Variants in GRID2 observed in about 807,000 individuals in gnomAD.
The protein encoded by GRID2 is glutamate ionotropic receptor delta type subunit 2.
Under a neutral mutation model 114.8 loss-of-function variants are expected in GRID2, and 33 were observed. The ratio of observed to expected loss-of-function variants is 0.29; its 90% CI spans 0.22 to 0.38. The LOEUF is 0.38. GRID2 is among the 10% of genes least tolerant of loss of function. GRID2 has a pLI of 1.00. For synonymous variants in GRID2, 505 were observed against 449.9 expected, an observed-to-expected ratio of 1.12 and a Z score of -1.55; for missense variants, 1,184 against 1,257.7, an observed-to-expected ratio of 0.94 and a Z score of 0.89.
chr4:93,780,286 A>G (rs1380625618), intron 1 of GRID2, among the ~76,000 whole-genome samples: 1 of 152,206 alleles, frequency 6.6e-6, no homozygotes, highest in Non-Finnish European at 1.5e-5. Context: ...TGTCTGGGGA[A>G]AACGCATTCC....
chr4:93,022,909 A>G (rs961795781), intron 2 of GRID2, among the ~76,000 whole-genome samples: 2 of 151,926 alleles, frequency 1.3e-5, no homozygotes, highest in Non-Finnish European at 2.9e-5. Flanking sequence ...TCGTTTTTCA[A>G]TTCAGAATTT....
chr4:93,347,905 T>G (rs1019834538), intron 8 of GRID2, among the ~76,000 whole-genome samples: 2 of 152,224 alleles, frequency 1.3e-5, no homozygotes, highest in Admixed American at 6.5e-5. Flanking sequence ...TATCAAAAAT[T>G]TATTATTTGG....
intron 2 of GRID2, among the ~76,000 whole-genome samples, chr4:92,886,868 A>G (rs983881784): frequency 5.3e-5 from 8 of 151,166 alleles, no homozygotes; most frequent in African/African-American, 1.5e-4. Context: ...CTCGTGATCC[A>G]CCCGCCTCGG....
At chr4:92,881,467 C>A (rs1200757835) in intron 2 of GRID2, among the ~76,000 whole-genome samples, 9 of 152,128 alleles carry the variant, frequency 5.9e-5, no homozygotes, top group Non-Finnish European at 8.8e-5. Context: ...AGAATTAGTG[C>A]AATATAAAGA....
chr4:92,769,365 G>A lies in GRID2; in HGVS notation c.244+179079G>A, dbSNP rs759608059. On this transcript the variant is annotated intron_variant, in intron 2 of 15. Transcript: ENST00000282020. The stretch of plus-strand genomic sequence containing the variant: ...CTCTCACCTGCTTTCATGGGCCGGC[G>A]TTGAGTGTCTGTGGCTTTTCCAGGC... Among the ~76,000 whole-genome samples the A allele has an allele frequency of 1.7e-4, 26 of 152,160 alleles. 1 individual carries two copies. Among genetic ancestry groups the A allele is most frequent in the South Asian group, 4.1e-4 (2 of 4,828 alleles).
intron 14 of GRID2, among the ~76,000 whole-genome samples, chr4:93,677,838 A>G (rs146245314): frequency 0.03 from 4,637 of 152,172 alleles, 111 homozygotes; most frequent in African/African-American, 0.062. Flanking sequence ...GGAAAAAACA[A>G]AGCAGAAAAA....
intron 14 of GRID2, among the ~76,000 whole-genome samples, chr4:93,766,534 C>T (rs1423023018): frequency 3.3e-5 from 5 of 152,242 alleles, no homozygotes; most frequent in South Asian, 2.1e-4. Context: ...GGAGCCAAAC[C>T]GTATCACAAG....
At chr4:93,801,967 A>G (rs1410530807) in intron 1 of GRID2, among the ~76,000 whole-genome samples, 1 of 152,244 alleles carries the variant, frequency 6.6e-6, no homozygotes, top group African/African-American at 2.4e-5. Context: ...TCCTGTATGT[A>G]GAATATACTG....
At chr4:93,184,102 T>C (rs1331319699) in intron 4 of GRID2, among the ~76,000 whole-genome samples, 3 of 152,138 alleles carry the variant, frequency 2.0e-5, no homozygotes, top group Non-Finnish European at 4.4e-5. Flanking sequence ...AGAAAATGGT[T>C]TGTAGCTTGG....
At chr4:92,497,406 A>G (rs893737528) in intron 1 of GRID2, among the ~76,000 whole-genome samples, 2 of 151,920 alleles carry the variant, frequency 1.3e-5, no homozygotes, top group African/African-American at 4.8e-5. Context: ...CTGTGAAACA[A>G]GAAGCTAGAT....
intron 14 of GRID2, among the ~76,000 whole-genome samples, chr4:93,746,851 A>G (rs1192940966): frequency 6.6e-6 from 1 of 151,944 alleles, no homozygotes; most frequent in Non-Finnish European, 1.5e-5. Context: ...TAATTGGTCC[A>G]CTCTGATTGT....
At chr4:93,052,877 C>T (rs1228187343) in intron 2 of GRID2, among the ~76,000 whole-genome samples, 2 of 151,790 alleles carry the variant, frequency 1.3e-5, no homozygotes, top group South Asian at 2.1e-4. Flanking sequence ...TCATCCTAAG[C>T]GTTTTATTCT....
At chr4:92,945,250 T>G (rs931553565) in intron 2 of GRID2, among the ~76,000 whole-genome samples, 1 of 152,208 alleles carries the variant, frequency 6.6e-6, no homozygotes, top group Non-Finnish European at 1.5e-5. Flanking sequence ...GATAGTTTAC[T>G]GTAGAATAAA....
intron 1 of GRID2, among the ~76,000 whole-genome samples, chr4:92,543,669 A>AATGAATGT (rs1338812634): frequency 2.0e-5 from 3 of 152,154 alleles, no homozygotes; most frequent in Non-Finnish European, 4.4e-5. Flanking sequence ...TGAATGAATG[A>AATGAATGT]ATGAATGGGT....
intron 2 of GRID2, among the ~76,000 whole-genome samples, chr4:92,918,402 G>A (rs1163871292): frequency 6.6e-6 from 1 of 152,124 alleles, no homozygotes; most frequent in Non-Finnish European, 1.5e-5. Context: ...AATAGGAGTG[G>A]TGAGAGAGGG....
intron 2 of GRID2, among the ~76,000 whole-genome samples, chr4:92,978,568 G>A (rs1036257020): frequency 6.6e-6 from 1 of 152,072 alleles, no homozygotes; most frequent in Non-Finnish European, 1.5e-5. Context: ...CTAGGTCTCA[G>A]GGGTCCCCTC....
chr4:92,928,132 C>G (rs573127808), intron 2 of GRID2, among the ~76,000 whole-genome samples: 1 of 151,762 alleles, frequency 6.6e-6, no homozygotes, highest in East Asian at 1.9e-4. Context: ...AGAGAATTGT[C>G]TCTCAACAGA....
chr4:93,487,004 T>C (rs911979714), intron 11 of GRID2, among the ~76,000 whole-genome samples: 13 of 151,950 alleles, frequency 8.6e-5, no homozygotes, highest in African/African-American at 3.1e-4. Context: ...TTGAAATCTT[T>C]GATAGTTACA....
At chr4:92,929,174 T>C (rs1473594284) in intron 2 of GRID2, among the ~76,000 whole-genome samples, 1 of 151,446 alleles carries the variant, frequency 6.6e-6, no homozygotes, top group Non-Finnish European at 1.5e-5. Context: ...GCATCAGCTT[T>C]AAAAGAACAT....
Sources: allele counts gnomAD v4.1 joint callset (sites outside exome capture counted in the v4.1 genomes callset), GRCh38; gene constraint gnomAD v4.1.1; transcripts MANE v1.5; gene names NCBI Gene and HGNC (gene_info 2026-07-23, HGNC 2026-07-21).